SPECC1L: variants seen among roughly 807,000 people sequenced by gnomAD.
The protein encoded by SPECC1L is cytospin-A.
In SPECC1L, 40 loss-of-function variants were observed where a neutral mutation model predicts 116.8. The ratio of observed to expected loss-of-function variants is 0.34; its 90% CI spans 0.27 to 0.45. SPECC1L has a LOEUF of 0.45. SPECC1L is among the 20% of genes least tolerant of loss of function. The probability of loss-of-function intolerance (pLI) is 1.00; values close to 1 mark genes in which losing one functional copy is unlikely to be tolerated. For missense variants in SPECC1L, 1,110 were observed against 1,373.6 expected (o/e 0.81, Z 3.03); for synonymous variants, 504 against 500.6 (o/e 1.01, Z -0.09).
rs79696816 is a variant in SPECC1L, at chr22:24,276,269, A to T, written c.-141-431A>T. ...TGTACCCTAGAACTTAAAGTATAAT[A>T]AAAAAAAATAAAATTCGCCAGGTGT... On this transcript the variant is annotated intron_variant, in intron 1 of 16. Coordinates refer to ENST00000314328, the MANE Select transcript of SPECC1L (RefSeq NM_015330.6). Among the ~76,000 whole-genome samples, 1,184 of 151,426 alleles carry T rather than the reference A, an allele frequency of 7.8e-3. 8 individuals carry two copies. The highest frequency in any genetic ancestry group is 0.024 in the South Asian group (116 of 4,762).
intron 14 of SPECC1L, among the ~76,000 whole-genome samples, chr22:24,390,915 C>G (rs2042260760): frequency 9.6e-6 from 1 of 104,354 alleles, no homozygotes; most frequent in Non-Finnish European, 1.8e-5. Flanking sequence ...GAGTCTCACT[C>G]TGTCGCCCAG....
At chr22:24,303,842 A>AGG (rs1001119045) in intron 3 of SPECC1L, among the ~76,000 whole-genome samples, 23 of 103,252 alleles carry the variant, frequency 2.2e-4, no homozygotes, top group African/African-American at 3.1e-4. Flanking sequence ...AAGTTTAAAT[A>AGG]GGGTGTGTGT....
At chr22:24,285,203 C>T (rs926618397) in intron 2 of SPECC1L, among the ~76,000 whole-genome samples, 2 of 152,118 alleles carry the variant, frequency 1.3e-5, no homozygotes, top group Non-Finnish European at 2.9e-5. Context: ...TATATGTCTA[C>T]TAGTACTGTG....
chr22:24,274,738 T>C (rs1601476626), intron 1 of SPECC1L, among the ~76,000 whole-genome samples: 2 of 152,358 alleles, frequency 1.3e-5, no homozygotes, highest in Non-Finnish European at 2.9e-5. Flanking sequence ...TCACAATCAC[T>C]TTCCCATTTA....
At chr22:24,314,385 A>G (rs1338452497) in intron 4 of SPECC1L, among the ~76,000 whole-genome samples, 2 of 152,236 alleles carry the variant, frequency 1.3e-5, no homozygotes, top group Non-Finnish European at 2.9e-5. Context: ...TCATAATACC[A>G]TTATCAGTCC....
At chr22:24,413,259 T>C (rs544583585) in intron 16 of SPECC1L, among the ~76,000 whole-genome samples, 5 of 152,190 alleles carry the variant, frequency 3.3e-5, no homozygotes, top group Admixed American at 3.3e-4. Flanking sequence ...TCAGGTTCTT[T>C]AGGCCTCTCA....
intron 2 of SPECC1L, among the ~76,000 whole-genome samples, chr22:24,297,986 C>T (rs1401949451): frequency 6.6e-6 from 1 of 152,182 alleles, no homozygotes; most frequent in Non-Finnish European, 1.5e-5. Flanking sequence ...TAATCTCCTA[C>T]TGTGCCTAAT....
chr22:24,339,090 C>T (rs1033113917), intron 10 of SPECC1L, among the ~76,000 whole-genome samples: 1 of 152,198 alleles, frequency 6.6e-6, no homozygotes, highest in African/African-American at 2.4e-5. Context: ...TTCCTGGGCT[C>T]ATTCCTGCAG....
Position 24,334,592 on chromosome 22 carries a change from A to T in SPECC1L, c.2560+19A>T. 3.1e-6 allele frequency: 5 copies of T among 1,613,560 alleles called. No homozygotes were observed. The highest frequency in any genetic ancestry group is 4.2e-6 in the Non-Finnish European group (5 of 1,179,600). ...TCTCAAGGTAATTAATTTCTCCTACATTGTGCCTACTGCATGCGGTTGTGT... is the reference window on the plus strand; with the variant it reads ...TCTCAAGGTAATTAATTTCTCCTACTTTGTGCCTACTGCATGCGGTTGTGT... On this transcript the variant is annotated intron_variant, in intron 9 of 16. Coordinates refer to ENST00000314328, the MANE Select transcript of SPECC1L (RefSeq NM_015330.6).
At chr22:24,403,576 A>G (rs2042524313) in intron 14 of SPECC1L, among the ~76,000 whole-genome samples, 1 of 152,098 alleles carries the variant, frequency 6.6e-6, no homozygotes. Flanking sequence ...CTCTGTAGGA[A>G]TCAGGACATG....
intron 5 of SPECC1L, 123 bp from the exon 6 acceptor site, chr22:24,324,097 G>A: frequency 2.6e-6 from 2 of 779,296 alleles, no homozygotes; most frequent in Non-Finnish European, 4.5e-6. Flanking sequence ...TACACAGGTT[G>A]TTTTAGTTTA....
intron 3 of SPECC1L, among the ~76,000 whole-genome samples, chr22:24,311,481 G>A (rs147608885): frequency 1.3e-5 from 2 of 152,164 alleles, no homozygotes; most frequent in East Asian, 3.9e-4. Context: ...ATAGTTGATG[G>A]CCAGTTTTTG....
chr22:24,288,273 T>C (rs2049083421), intron 2 of SPECC1L, among the ~76,000 whole-genome samples: 5 of 152,318 alleles, frequency 3.3e-5, no homozygotes, highest in Admixed American at 2.0e-4. Flanking sequence ...CGTGGGGGGC[T>C]GTCCAGTGTG....
At chr22:24,272,812 A>G (rs2048756399) in intron 1 of SPECC1L, among the ~76,000 whole-genome samples, 1 of 152,146 alleles carries the variant, frequency 6.6e-6, no homozygotes, top group South Asian at 2.1e-4. Flanking sequence ...TTTTCCTCCA[A>G]AAAAACACCT....
chr22:24,387,850 T>C, intron 14 of SPECC1L, among the ~76,000 whole-genome samples: 1 of 152,198 alleles, frequency 6.6e-6, no homozygotes, highest in Non-Finnish European at 1.5e-5. Context: ...AGCTGTGTTC[T>C]TTTCTCAAGC....
chr22:24,383,932 C>T lies in SPECC1L; in HGVS notation c.3087+14612C>T, dbSNP rs188894996. 6.7e-5 allele frequency among the ~76,000 whole-genome samples: 10 copies of T among 150,048 alleles called. No homozygotes were observed. The East Asian group carries it at 2.0e-3, about 30-fold the overall frequency. On this transcript the variant is annotated intron_variant, in intron 14 of 16. Coordinates refer to ENST00000314328, the MANE Select transcript of SPECC1L (RefSeq NM_015330.6). Reference sequence around the variant, plus strand: ...CCCCCCAAAGTGCTGGGATTACAGGCGTGAGCCACCGTGCCTGGCCCAATG... The same window carrying T: ...CCCCCCAAAGTGCTGGGATTACAGGTGTGAGCCACCGTGCCTGGCCCAATG...
At chr22:24,370,068 C>A (rs2041843582) in intron 14 of SPECC1L, among the ~76,000 whole-genome samples, 1 of 152,228 alleles carries the variant, frequency 6.6e-6, no homozygotes, top group Admixed American at 6.5e-5. Flanking sequence ...TGTTCCTGAT[C>A]TCTTCACATT....
intron 10 of SPECC1L, among the ~76,000 whole-genome samples, chr22:24,343,999 C>G (rs2041237100): frequency 6.6e-6 from 1 of 151,956 alleles, no homozygotes; most frequent in Non-Finnish European, 1.5e-5. Flanking sequence ...AAACTCCAGG[C>G]CCAGGTGGTT....
Position 24,338,489 on chromosome 22 carries a change from G to C in SPECC1L, c.2652+12G>C, listed in dbSNP as rs1361115366. The C allele has an allele frequency of 6.2e-7, 1 of 1,612,570 alleles. No homozygotes were observed. The highest frequency in any genetic ancestry group is 8.5e-7 in the Non-Finnish European group (1 of 1,178,762). ...TGTCCCCTATGCAGGTGAGTGCCTG[G>C]AACCACAGGAGGCTCTTAGAGCCTC... On this transcript the variant is annotated intron_variant, in intron 10 of 16. Coordinates refer to ENST00000314328, the MANE Select transcript of SPECC1L (RefSeq NM_015330.6).
Sources: gnomAD v4.1 joint callset for allele counts (sites outside exome capture counted in the v4.1 genomes callset) on GRCh38, gnomAD v4.1.1 for gene constraint, MANE v1.5 for transcripts, NCBI Gene and HGNC (gene_info 2026-07-23, HGNC 2026-07-21) for gene names.